Variants in TCEA2 observed in about 807,000 individuals in gnomAD.
The protein encoded by TCEA2 is transcription elongation factor A2, also known as transcription elongation factor A protein 2.
TCEA2 carries 21 observed loss-of-function variants against 40.8 expected under a neutral mutation model. The ratio of observed to expected loss-of-function variants is 0.51; its 90% CI spans 0.36 to 0.74. The LOEUF (loss-of-function observed/expected upper bound fraction) is 0.74. Ranked by LOEUF, TCEA2 falls within the 30% of genes least tolerant of loss-of-function variation. TCEA2 has a pLI of 0.00. For synonymous variants in TCEA2, 165 were observed against 162.7 expected, an observed-to-expected ratio of 1.01 and a Z score of -0.11; for missense variants, 326 against 426.5, an observed-to-expected ratio of 0.76 and a Z score of 2.08.
intron 1 of TCEA2, among the ~76,000 whole-genome samples, chr20:64,064,705 C>G (rs530253186): frequency 6.6e-6 from 1 of 152,208 alleles, no homozygotes; most frequent in African/African-American, 2.4e-5. Context: ...CTGTGACCAG[C>G]GTTCTGGACT....
upstream of TCEA2, among the ~76,000 whole-genome samples, chr20:64,055,778 GC>G (rs752835578): frequency 2.6e-5 from 4 of 152,156 alleles, no homozygotes; most frequent in Admixed American, 6.5e-5. This position sits in a 1 kb window ranked among gnomAD's most constrained non-coding sequence, Gnocchi z 4.0. Flanking sequence ...AAGGCAGGGG[GC>G]TCTGCTTCTG....
Position 64,069,407 on chromosome 20 carries a change from A to C in TCEA2, c.376A>C (p.Thr126Pro), listed in dbSNP as rs147528791. Residue 126 changes from threonine to proline, a missense_variant, in exon 5 of 10, where the codon ACC becomes CCC. By Grantham distance (38) the Thr-to-Pro change is conservative. Coordinates refer to ENST00000343484, the MANE Select transcript of TCEA2 (RefSeq NM_003195.6). ...LPRAPSTPRI[T>P]TFPPVPVTCD... ...CAGGGCACCGTCGACTCCGAGGATC[A>C]CCACATTTCCTCCGGTGCCTGTCAC... is the stretch of plus-strand genomic sequence containing the variant. 1 of 1,612,000 alleles carries C rather than the reference A, an allele frequency of 6.2e-7. No individual in the cohort carries two copies. Among genetic ancestry groups the C allele is most frequent in the Non-Finnish European group, 8.5e-7 (1 of 1,179,392 alleles).
Position 64,071,951 on chromosome 20 carries a change from C to T in TCEA2, c.891+10C>T. 1.2e-6 allele frequency: 2 copies of T among 1,614,004 alleles called. No individual in the cohort carries two copies. Among genetic ancestry groups the T allele is most frequent in the Non-Finnish European group, 1.7e-6 (2 of 1,179,968 alleles). On this transcript the variant is annotated intron_variant, in intron 9 of 9. Transcript: ENST00000343484. Reference sequence around the variant, plus strand: ...TGGAAACCGCTGGAAGGTGGGTGAGCAGGCTCAGGCTGCCCCTCCCAGCTC... The same window carrying T: ...TGGAAACCGCTGGAAGGTGGGTGAGTAGGCTCAGGCTGCCCCTCCCAGCTC...
At chr20:64,070,233 T>C (rs909247828) in intron 6 of TCEA2, 27 bp from the exon 7 acceptor site, 1 of 1,612,472 alleles carries the variant, frequency 6.2e-7, no homozygotes, top group Admixed American at 1.7e-5. Context: ...GACGTTGTCC[T>C]CAGGTGGGTC....
At chr20:64,065,647 C>A (rs28638160) in intron 1 of TCEA2, 31,311 of 152,062 alleles carry the variant, frequency 0.21, 3,321 homozygotes, top group Non-Finnish European at 0.23. Context: ...GTTGCCGGGC[C>A]TGGTGTGGAA....
At chr20:64,059,193 CAAAAAAAA>C (rs60812317), upstream of TCEA2, among the ~76,000 whole-genome samples, 7 of 91,244 alleles carry the variant, frequency 7.7e-5, no homozygotes, top group Non-Finnish European at 1.3e-4. Flanking sequence ...AACTCTGTCT[CAAAAAAAA>C]AAAAAAAAAA....
At chr20:64,071,965 C>T (rs773789075) in intron 9 of TCEA2, 24 bp downstream of exon 9, 4 of 1,613,496 alleles carry the variant, frequency 2.5e-6, no homozygotes, top group Non-Finnish European at 2.5e-6. Context: ...CTCAGGCTGC[C>T]CCTCCCAGCT....
upstream of TCEA2, chr20:64,062,854 G>A (rs1050556074): frequency 2.0e-5 from 3 of 153,060 alleles, no homozygotes; most frequent in African/African-American, 7.2e-5. Flanking sequence ...ACTGGGTCCT[G>A]AGCCACCCAC....
chr20:64,072,006 CTG>C (rs1489395880), intron 9 of TCEA2, 65 bp downstream of exon 9: 21 of 1,605,806 alleles, frequency 1.3e-5, no homozygotes, highest in Non-Finnish European at 1.7e-5. Flanking sequence ...GTCTCAGCCT[CTG>C]TGGGGTCTGT....
At position 64,068,758 on chromosome 20, in the gene TCEA2, A is replaced by G. The variant is rs529694289; in HGVS notation, c.330-603A>G. On this transcript the variant is annotated intron_variant, in intron 4 of 9. Coordinates refer to ENST00000343484, the MANE Select transcript of TCEA2 (RefSeq NM_003195.6). ...TCCAGGAAGCTGCCTGCTTCTGCCA[A>G]CTTCCACAGAGGGGATGAGGGGAGG... Among the ~76,000 whole-genome samples, 3 of 152,362 alleles carry G rather than the reference A, an allele frequency of 2.0e-5. 1 individual carries two copies. The highest frequency in any genetic ancestry group is 4.1e-4 in the South Asian group (2 of 4,834).
Position 64,071,858 on chromosome 20 carries a change from C to T in TCEA2, c.820-12C>T, listed in dbSNP as rs779151747. ...TGGAGGTGACCCTGGGTTCACCCAG[C>T]CCTGTTCACAGGTGCAGACCCGCAG... On this transcript the variant is annotated splice_polypyrimidine_tract_variant and intron_variant, in intron 8 of 9. Coordinates refer to ENST00000343484, the MANE Select transcript of TCEA2 (RefSeq NM_003195.6). 2 of 1,613,786 alleles carry T rather than the reference C, an allele frequency of 1.2e-6. No homozygotes were observed. Among genetic ancestry groups the T allele is most frequent in the Admixed American group, 1.7e-5 (1 of 60,014 alleles).
chr20:64,059,377 C>G (rs1035700057), upstream of TCEA2, among the ~76,000 whole-genome samples: 1 of 152,062 alleles, frequency 6.6e-6, no homozygotes, highest in East Asian at 1.9e-4. Flanking sequence ...CCCACCCCAT[C>G]GTCTCTATAG....
intron 3 of TCEA2, among the ~76,000 whole-genome samples, chr20:64,067,401 C>T (rs1182103226): frequency 2.6e-5 from 4 of 152,114 alleles, no homozygotes; most frequent in Middle Eastern, 3.4e-3. Context: ...AGAGGGGAAG[C>T]GGGAGGGAGA....
upstream of TCEA2, among the ~76,000 whole-genome samples, chr20:64,056,081 A>G (rs929236175): frequency 1.3e-5 from 2 of 152,018 alleles, no homozygotes; most frequent in African/African-American, 2.4e-5. Flanking sequence ...AGCCTGGAGC[A>G]GGCCGCCAGG....
intron 3 of TCEA2, 96 bp from the exon 4 acceptor site, chr20:64,067,951 T>G: frequency 5.6e-6 from 5 of 898,714 alleles, no homozygotes; most frequent in Non-Finnish European, 8.2e-6. Flanking sequence ...GCTGGGGCCG[T>G]GTTGGTGGTC....
At chr20:64,059,864 C>T (rs569474835), upstream of TCEA2, among the ~76,000 whole-genome samples, 3 of 152,148 alleles carry the variant, frequency 2.0e-5, no homozygotes, top group South Asian at 2.1e-4. Flanking sequence ...TCTGGTTTTC[C>T]GGGGGCGTCT....
At position 64,067,004 on chromosome 20, in the gene TCEA2, C is replaced by T. The variant is rs1311556725; in HGVS notation, c.225C>T (p.Ser75=). ...VIALAKSLIK[S]WKKLLDASDA... ...CACTGGCCAAGTCTCTCATCAAGTC[C>T]TGGAAGAAGCTCCTGGGTGCGGCTC... The change falls in exon 3 of 10, where the codon TCC becomes TCT. Residue 75 remains serine (S), a synonymous_variant. Coordinates refer to ENST00000343484, the MANE Select transcript of TCEA2 (RefSeq NM_003195.6). 6.2e-7 allele frequency: 1 copy of T among 1,612,772 alleles called. No individual in the cohort carries two copies.
chr20:64,068,980 C>T (rs1399468254), intron 4 of TCEA2, among the ~76,000 whole-genome samples: 1 of 152,254 alleles, frequency 6.6e-6, no homozygotes, highest in Non-Finnish European at 1.5e-5. Flanking sequence ...CTGCAGCTGC[C>T]CTCAGCAGAG....
At chr20:64,069,715 G>A (rs1284861120) in intron 5 of TCEA2, 50 bp from the exon 6 acceptor site, 1 of 1,588,096 alleles carries the variant, frequency 6.3e-7, no homozygotes, top group South Asian at 1.1e-5. Context: ...CAGAAGGGGT[G>A]GCAGGTGGAG....
Sources: allele counts gnomAD v4.1 joint callset (sites outside exome capture counted in the v4.1 genomes callset), GRCh38; gene constraint gnomAD v4.1.1; non-coding constraint Gnocchi (gnomAD v3.1); transcripts MANE v1.5; gene names NCBI Gene and HGNC (gene_info 2026-07-23, HGNC 2026-07-21).